The following STX8 variants were observed in gnomAD, a reference collection of about 807,000 sequenced individuals.
STX8 encodes the protein syntaxin-8.
STX8 carries 23 observed loss-of-function variants against 37.5 expected under a neutral mutation model. The observed-to-expected ratio is 0.61, with a 90% CI of 0.44 to 0.87. STX8 has a LOEUF of 0.87. STX8 is among the 40% of genes least tolerant of loss of function. The probability of loss-of-function intolerance (pLI) is 0.00; values close to 1 mark genes in which losing one functional copy is unlikely to be tolerated. For missense variants in STX8, 313 were observed against 284.7 expected (o/e 1.10, Z -0.71); for synonymous variants, 115 against 99.1 (o/e 1.16, Z -0.95).
intron 7 of STX8, among the ~76,000 whole-genome samples, chr17:9,281,642 A>C (rs1027179365): frequency 7.2e-5 from 11 of 152,170 alleles, no homozygotes; most frequent in South Asian, 2.1e-4. Context: ...TGACTATAAA[A>C]ATATTAAAAG....
chr17:9,564,267 G>C (rs1047853618), intron 2 of STX8, among the ~76,000 whole-genome samples: 2 of 151,212 alleles, frequency 1.3e-5, no homozygotes, highest in Non-Finnish European at 2.9e-5. Context: ...AAAAAGAGGA[G>C]AGGAGAGGAG....
At position 9,417,413 on chromosome 17, in the gene STX8, G is replaced by A. The variant is rs538677462; in HGVS notation, c.542-38760C>T. ...AGGAGCTTTAAAATTACAGATGCCC[G>A]TTTCCTACTCCCAGAAATTCTGATT... On this transcript the variant is annotated intron_variant, in intron 6 of 7. Coordinates refer to ENST00000306357, the MANE Select transcript of STX8 (RefSeq NM_004853.3). Among the ~76,000 whole-genome samples the A allele has an allele frequency of 8.5e-5, 13 of 152,142 alleles. 1 individual carries two copies. Among genetic ancestry groups the A allele is most frequent in the South Asian group, 4.1e-4 (2 of 4,820 alleles).
At chr17:9,279,062 TTTTTTG>T (rs1259305108) in intron 7 of STX8, among the ~76,000 whole-genome samples, 1 of 90,532 alleles carries the variant, frequency 1.1e-5, no homozygotes, top group Admixed American at 1.2e-4. Context: ...GTGTTTTTTG[TTTTTTG>T]TTTTTTTTTT....
intron 2 of STX8, among the ~76,000 whole-genome samples, chr17:9,564,360 G>A (rs1907374422): frequency 6.6e-6 from 1 of 151,796 alleles, no homozygotes; most frequent in Non-Finnish European, 1.5e-5. Context: ...AAGAAAGAGA[G>A]AGAGGAAGGA....
intron 3 of STX8, among the ~76,000 whole-genome samples, chr17:9,551,290 C>T (rs1259147569): frequency 1.3e-5 from 2 of 152,150 alleles, no homozygotes; most frequent in Admixed American, 1.3e-4. Context: ...TCCTTACCTT[C>T]CTCAAAGCAC....
At chr17:9,254,524 T>C (rs1906713741) in intron 7 of STX8, among the ~76,000 whole-genome samples, 1 of 151,988 alleles carries the variant, frequency 6.6e-6, no homozygotes, top group Non-Finnish European at 1.5e-5. Flanking sequence ...GCCTCCCAAG[T>C]AGCGGGGATT....
At chr17:9,535,680 C>T (rs1396893039) in intron 4 of STX8, among the ~76,000 whole-genome samples, 2 of 151,960 alleles carry the variant, frequency 1.3e-5, no homozygotes, top group Non-Finnish European at 2.9e-5. Flanking sequence ...GATCTGCCCG[C>T]CTTGGCCTCC....
intron 6 of STX8, among the ~76,000 whole-genome samples, chr17:9,457,057 T>A (rs941901282): frequency 6.6e-6 from 1 of 152,218 alleles, no homozygotes; most frequent in African/African-American, 2.4e-5. Flanking sequence ...GTGTCTCTCA[T>A]GGTAAGAAAT....
At chr17:9,558,090 G>A (rs7212652) in intron 2 of STX8, among the ~76,000 whole-genome samples, 6,467 of 152,188 alleles carry the variant, frequency 0.042, 192 homozygotes, top group Non-Finnish European at 0.065. Flanking sequence ...TTCCCAGGAG[G>A]GTGCGCATTT....
At chr17:9,552,596 C>A (rs552651845) in intron 3 of STX8, among the ~76,000 whole-genome samples, 4 of 151,992 alleles carry the variant, frequency 2.6e-5, no homozygotes, top group East Asian at 1.9e-4. Flanking sequence ...TATCTATCTA[C>A]TTACCTATCT....
At chr17:9,529,031 T>G (rs1367588099) in intron 4 of STX8, among the ~76,000 whole-genome samples, 1 of 152,066 alleles carries the variant, frequency 6.6e-6, no homozygotes, top group Admixed American at 6.5e-5. Flanking sequence ...TACAGGGACA[T>G]GGAGGGAAGA....
chr17:9,468,261 C>T (rs1905702233), intron 6 of STX8, among the ~76,000 whole-genome samples: 1 of 152,002 alleles, frequency 6.6e-6, no homozygotes, highest in Admixed American at 6.6e-5. Flanking sequence ...AGGCGTGCAC[C>T]ACCGCACCCG....
At chr17:9,363,053 C>G (rs1048034363) in intron 7 of STX8, among the ~76,000 whole-genome samples, 1 of 152,100 alleles carries the variant, frequency 6.6e-6, no homozygotes, top group Non-Finnish European at 1.5e-5. Flanking sequence ...TCCCCTAGCT[C>G]ATAACTGATT....
intron 6 of STX8, among the ~76,000 whole-genome samples, chr17:9,410,359 C>T (rs1274842769): frequency 5.9e-5 from 9 of 152,084 alleles, no homozygotes; most frequent in Non-Finnish European, 5.9e-5. Context: ...TAAAATTGTA[C>T]GTTTCCTTCC....
intron 2 of STX8, among the ~76,000 whole-genome samples, chr17:9,559,751 TATA>T (rs1472433478): frequency 3.2e-4 from 2 of 6,190 alleles, no homozygotes; most frequent in African/African-American, 4.7e-4. Flanking sequence ...TATATATATA[TATA>T]TATATATTTT....
intron 7 of STX8, among the ~76,000 whole-genome samples, chr17:9,352,724 G>A (rs865955674): frequency 1.3e-5 from 2 of 149,800 alleles, no homozygotes; most frequent in African/African-American, 4.9e-5. Flanking sequence ...GGATGGTCTC[G>A]ATCTCCTGAC....
At chr17:9,351,804 A>G (rs1910714816) in intron 7 of STX8, among the ~76,000 whole-genome samples, 1 of 152,130 alleles carries the variant, frequency 6.6e-6, no homozygotes, top group Non-Finnish European at 1.5e-5. Context: ...TGTTGATGTC[A>G]TTCAAGTTAA....
intron 6 of STX8, among the ~76,000 whole-genome samples, chr17:9,396,227 A>G (rs765789451): frequency 6.6e-6 from 1 of 152,186 alleles, no homozygotes; most frequent in African/African-American, 2.4e-5. Context: ...CTGTGTGCAT[A>G]AAAAGGTACA....
At chr17:9,282,105 A>T (rs1394314921) in intron 7 of STX8, among the ~76,000 whole-genome samples, 1 of 152,068 alleles carries the variant, frequency 6.6e-6, no homozygotes, top group Non-Finnish European at 1.5e-5. Flanking sequence ...TACATTTGAT[A>T]AATTTTTGTT....
Sources: gnomAD v4.1 joint callset for allele counts (sites outside exome capture counted in the v4.1 genomes callset) on GRCh38, gnomAD v4.1.1 for gene constraint, MANE v1.5 for transcripts, NCBI Gene and HGNC (gene_info 2026-07-23, HGNC 2026-07-21) for gene names.